DGKI: variants seen among roughly 807,000 people sequenced by gnomAD.
The protein encoded by DGKI is diacylglycerol kinase iota, also known as DAG kinase iota.
In DGKI, 55 loss-of-function variants were observed where a neutral mutation model predicts 147.5. The ratio of observed to expected loss-of-function variants is 0.37; its 90% CI spans 0.30 to 0.47. The LOEUF (loss-of-function observed/expected upper bound fraction) is 0.47. Among genes scored for constraint, DGKI ranks in the 20% least tolerant of loss-of-function variants. The pLI is 1.00. For synonymous variants in DGKI, 469 were observed against 477.1 expected (o/e 0.98, Z 0.22); for missense variants, 1,007 against 1,323.8 (o/e 0.76, Z 3.71).
intron 1 of DGKI, among the ~76,000 whole-genome samples, chr7:137,769,137 A>G (rs1166254176): frequency 6.6e-6 from 1 of 152,200 alleles, no homozygotes; most frequent in Non-Finnish European, 1.5e-5. Context: ...CTACATGATA[A>G]TAATCTCTTG....
chr7:137,792,510 A>G (rs755924366), intron 1 of DGKI, among the ~76,000 whole-genome samples: 2 of 152,258 alleles, frequency 1.3e-5, no homozygotes, highest in Non-Finnish European at 2.9e-5. Context: ...TCTTTCTTCC[A>G]GTTAACAATA....
At chr7:137,742,570 C>T (rs1367650319) in intron 1 of DGKI, among the ~76,000 whole-genome samples, 4 of 152,036 alleles carry the variant, frequency 2.6e-5, no homozygotes, top group Admixed American at 1.3e-4. Flanking sequence ...CATGTGCACC[C>T]GTAAGTCATT....
At chr7:137,560,521 A>G (rs564429442) in intron 19 of DGKI, among the ~76,000 whole-genome samples, 1 of 152,286 alleles carries the variant, frequency 6.6e-6, no homozygotes, top group South Asian at 2.1e-4. Context: ...CACCACTACA[A>G]CCACCAAAAA....
intron 6 of DGKI, among the ~76,000 whole-genome samples, chr7:137,634,815 T>C (rs1821254084): frequency 6.6e-6 from 1 of 152,214 alleles, no homozygotes; most frequent in African/African-American, 2.4e-5. Flanking sequence ...ACTGCTGCAC[T>C]GAAGCCTACT....
chr7:137,578,206 T>TCTG (rs1819054674), intron 16 of DGKI, 64 bp downstream of exon 16: 2 of 1,191,420 alleles, frequency 1.7e-6, no homozygotes, highest in Non-Finnish European at 2.5e-6. Flanking sequence ...TTTGCAACTT[T>TCTG]ATGATACACA....
intron 27 of DGKI, among the ~76,000 whole-genome samples, chr7:137,444,528 G>A (rs1813638319): frequency 6.6e-6 from 1 of 152,148 alleles, no homozygotes; most frequent in Non-Finnish European, 1.5e-5. Flanking sequence ...TTGAGACAGA[G>A]GTAAAAGAAA....
intron 2 of DGKI, among the ~76,000 whole-genome samples, chr7:137,688,821 T>C (rs1823512544): frequency 6.6e-6 from 1 of 152,158 alleles, no homozygotes. Context: ...GAAAGGAATA[T>C]TCTTTCTATA....
At chr7:137,683,954 G>T (rs1351615958) in intron 2 of DGKI, among the ~76,000 whole-genome samples, 1 of 152,162 alleles carries the variant, frequency 6.6e-6, no homozygotes, top group African/African-American at 2.4e-5. Flanking sequence ...ACAAAGGTGA[G>T]GTGAGTGTTT....
At chr7:137,586,492 G>A (rs1819403095) in intron 13 of DGKI, among the ~76,000 whole-genome samples, 1 of 152,020 alleles carries the variant, frequency 6.6e-6, no homozygotes, top group Non-Finnish European at 1.5e-5. Context: ...TACACAGTGT[G>A]TGTATATATA....
chr7:137,672,766 C>CTTTTTTTTTTTTTTTTT (rs60078498), intron 3 of DGKI, among the ~76,000 whole-genome samples: 3 of 65,690 alleles, frequency 4.6e-5, no homozygotes, highest in African/African-American at 1.4e-4. Context: ...CTCTGTGTGT[C>CTTTTTTTTTTTTTTTTT]TTTTTTTTTT....
At chr7:137,838,091 C>A (rs1317809568) in intron 1 of DGKI, among the ~76,000 whole-genome samples, 2 of 151,206 alleles carry the variant, frequency 1.3e-5, no homozygotes, top group Non-Finnish European at 2.9e-5. Flanking sequence ...CAACCTCCGC[C>A]TCCCGGGTTC....
intron 1 of DGKI, among the ~76,000 whole-genome samples, chr7:137,702,178 T>A (rs1824007026): frequency 6.6e-6 from 1 of 152,040 alleles, no homozygotes; most frequent in Admixed American, 6.6e-5. Context: ...ACCTAAAAGT[T>A]AAAACTATAA....
chr7:137,796,764 T>A (rs891584970), intron 1 of DGKI, among the ~76,000 whole-genome samples: 1 of 151,994 alleles, frequency 6.6e-6, no homozygotes, highest in Non-Finnish European at 1.5e-5. Context: ...ATCATCCAGT[T>A]TGAGAAACAG....
At chr7:137,667,775 T>G (rs570716959) in intron 3 of DGKI, among the ~76,000 whole-genome samples, 2 of 152,316 alleles carry the variant, frequency 1.3e-5, no homozygotes, top group Admixed American at 6.5e-5. Flanking sequence ...GCCAATCTAG[T>G]CCAGGAAGAC....
chr7:137,621,786 T>G (rs2128997956), intron 7 of DGKI, among the ~76,000 whole-genome samples: 1 of 152,314 alleles, frequency 6.6e-6, no homozygotes, highest in African/African-American at 2.4e-5. Context: ...GGATTGAGTT[T>G]CCAAATTAAT....
intron 28 of DGKI, among the ~76,000 whole-genome samples, chr7:137,418,659 TAAA>T: frequency 6.6e-6 from 1 of 152,302 alleles, no homozygotes; most frequent in Non-Finnish European, 1.5e-5. Flanking sequence ...TTTTTAGTTT[TAAA>T]AATAATATCC....
intron 23 of DGKI, among the ~76,000 whole-genome samples, chr7:137,472,294 G>A (rs1465965105): frequency 0.072 from 79 of 1,104 alleles, 2 homozygotes; most frequent in African/African-American, 0.098. Flanking sequence ...ATATGTATGT[G>A]TATATTTATG....
chr7:137,417,101 T>C (rs531373020), intron 28 of DGKI, among the ~76,000 whole-genome samples: 2 of 152,330 alleles, frequency 1.3e-5, no homozygotes, highest in Admixed American at 1.3e-4. Context: ...AAACAAATAA[T>C]GAGTTGTTAT....
intron 20 of DGKI, among the ~76,000 whole-genome samples, chr7:137,543,603 A>G (rs989825056): frequency 3.9e-5 from 6 of 152,178 alleles, no homozygotes; most frequent in African/African-American, 1.4e-4. Context: ...CAAGAGCAGC[A>G]TAAAGAGAGG....
Sources: allele counts gnomAD v4.1 joint callset (sites outside exome capture counted in the v4.1 genomes callset), GRCh38; gene constraint gnomAD v4.1.1; transcripts MANE v1.5; gene names NCBI Gene and HGNC (gene_info 2026-07-23, HGNC 2026-07-21).